The following GET1 variants were observed in gnomAD, a reference collection of about 807,000 sequenced individuals.
The protein encoded by GET1 is congenital heart disease 5 protein.
Under a neutral mutation model 22.6 loss-of-function variants are expected in GET1, and 20 were observed. That is an observed-to-expected ratio of 0.89 (90% confidence interval 0.62 to 1.29). The LOEUF (loss-of-function observed/expected upper bound fraction) is 1.29. Ranked by LOEUF, GET1 falls within the 50% of genes most tolerant of loss-of-function variation. GET1 has a pLI of 0.00. For synonymous variants in GET1, 92 were observed against 83.8 expected, an observed-to-expected ratio of 1.10 and a Z score of -0.53; for missense variants, 209 against 219.9, an observed-to-expected ratio of 0.95 and a Z score of 0.31.
exon 2 of GET1, chr21:39,428,321 C>G: frequency 6.2e-7 from 1 of 1,613,696 alleles, no homozygotes; most frequent in Middle Eastern, 1.7e-4. Context: ...TAAACTTCCA[C>G]AGGAGCACTG....
At chr21:39,390,035 A>T (rs911308740) in intron 1 of GET1, among the ~76,000 whole-genome samples, 25 of 151,328 alleles carry the variant, frequency 1.7e-4, no homozygotes, top group African/African-American at 4.6e-4. Context: ...TAGCAATTTG[A>T]ATATGAGTTT....
Position 39,390,754 on chromosome 21 carries a change from C to T in GET1, c.159C>T (p.Ile53=), listed in dbSNP as rs1289625134. The T allele has an allele frequency of 1.2e-6, 2 of 1,613,986 alleles. No individual in the cohort carries two copies. Among genetic ancestry groups the T allele is most frequent in the African/African-American group, 2.7e-5 (2 of 74,870 alleles). ...AGGAGTCACAGATGAGAGCGGAGAT[C>T]CAGGACATGAAGCAGGAGCTCTCCA... ...AEQESQMRAE[I]QDMKQELSTV... The change falls in exon 2 of 5, where the codon ATC becomes ATT. Residue 53 remains isoleucine, a synonymous_variant. Transcript: ENST00000649170.
chr21:39,416,996 G>C (rs2041299223), intron 1 of GET1, among the ~76,000 whole-genome samples: 1 of 152,052 alleles, frequency 6.6e-6, no homozygotes, highest in Admixed American at 6.6e-5. Context: ...ATACACATTT[G>C]GGTTCATCTG....
chr21:39,383,143 A>G (rs1394944158), intron 1 of GET1, among the ~76,000 whole-genome samples: 2 of 151,716 alleles, frequency 1.3e-5, no homozygotes, highest in Non-Finnish European at 2.9e-5. Context: ...TTTAGTAGAG[A>G]CGAGGTTTCA....
At chr21:39,393,877 T>A (rs2038470251) in intron 4 of GET1, among the ~76,000 whole-genome samples, 1 of 151,338 alleles carries the variant, frequency 6.6e-6, no homozygotes, top group South Asian at 2.1e-4. Context: ...CTCAAACTCC[T>A]GACCTTAAGT....
At chr21:39,407,292 T>C (rs2039243091), downstream of GET1, among the ~76,000 whole-genome samples, 1 of 152,130 alleles carries the variant, frequency 6.6e-6, no homozygotes. Flanking sequence ...TGAGAACATT[T>C]TTCATCCATC....
intron 4 of GET1, among the ~76,000 whole-genome samples, chr21:39,394,577 G>A (rs1184623975): frequency 1.3e-5 from 2 of 152,112 alleles, no homozygotes; most frequent in Non-Finnish European, 2.9e-5. Context: ...CGGAGGCTGG[G>A]GAGTCCAAAA....
intron 1 of GET1, among the ~76,000 whole-genome samples, chr21:39,385,015 G>A (rs916266532): frequency 2.0e-5 from 3 of 152,130 alleles, no homozygotes; most frequent in African/African-American, 7.2e-5. Context: ...TCTGTGAAAA[G>A]CTGTAAGGAA....
chr21:39,402,500 C>T (rs148546481), downstream of GET1, among the ~76,000 whole-genome samples: 532 of 152,338 alleles, frequency 3.5e-3, 5 homozygotes, highest in African/African-American at 0.012. Context: ...ACTTGGGCTG[C>T]CTGGGTTTTG....
downstream of GET1, among the ~76,000 whole-genome samples, chr21:39,399,786 C>T (rs1002580794): frequency 6.6e-6 from 1 of 152,004 alleles, no homozygotes; most frequent in African/African-American, 2.4e-5. Flanking sequence ...TATAGCTTCA[C>T]GTGAAAGCAG....
At chr21:39,401,060 G>A (rs943141877), downstream of GET1, among the ~76,000 whole-genome samples, 11 of 151,972 alleles carry the variant, frequency 7.2e-5, no homozygotes, top group Admixed American at 2.6e-4. Context: ...ACAGGCATGC[G>A]CCACCATGCC....
At chr21:39,394,886 C>T (rs1484437395) in intron 4 of GET1, among the ~76,000 whole-genome samples, 1 of 151,846 alleles carries the variant, frequency 6.6e-6, no homozygotes, top group Non-Finnish European at 1.5e-5. Context: ...CTTCTCTTTT[C>T]TTTTTGAGGC....
chr21:39,390,263 G>C (rs971857747), intron 1 of GET1, among the ~76,000 whole-genome samples: 5 of 152,068 alleles, frequency 3.3e-5, no homozygotes, highest in Non-Finnish European at 5.9e-5. Flanking sequence ...CTGGAGATGG[G>C]GCTGGCTTGG....
In GET1 at chr21:39,428,434, T is replaced by C. The variant is rs1171793433; in HGVS notation, c.*226T>C. The C allele has an allele frequency of 2.5e-6, 4 of 1,612,150 alleles. No homozygotes were observed. In the Admixed American group the frequency reaches 5.0e-5, roughly 20 times the overall value. Reference sequence around the variant, plus strand: ...ATGCTGCAGACCTCCTATTGTTTTCTAATGCCACGCCGAAGAAATGCTCAT... The same window carrying C: ...ATGCTGCAGACCTCCTATTGTTTTCCAATGCCACGCCGAAGAAATGCTCAT... On this transcript the variant is annotated 3_prime_UTR_variant, in exon 2 of 2. Coordinates refer to the GET1 transcript ENST00000478273.
At chr21:39,423,618 A>C in intron 1 of GET1, 1 of 726,806 alleles carries the variant, frequency 1.4e-6, no homozygotes, top group South Asian at 3.0e-5. Flanking sequence ...GCGTAAGTGT[A>C]ACTAGAAGGG....
intron 4 of GET1, among the ~76,000 whole-genome samples, chr21:39,396,432 G>A (rs571042090): frequency 5.8e-4 from 88 of 152,268 alleles, no homozygotes; most frequent in African/African-American, 2.0e-3. Context: ...GGAGGCTGAG[G>A]CAGGACAATG....
downstream of GET1, among the ~76,000 whole-genome samples, chr21:39,401,643 T>G (rs1273363989): frequency 6.6e-6 from 1 of 152,212 alleles, no homozygotes; most frequent in African/African-American, 2.4e-5. Flanking sequence ...TTCACTTTAC[T>G]GTGCTCTGTA....
intron 1 of GET1, among the ~76,000 whole-genome samples, chr21:39,387,129 G>T (rs1043886070): frequency 6.6e-6 from 1 of 152,242 alleles, no homozygotes; most frequent in South Asian, 2.1e-4. Context: ...GAAAGTGCTG[G>T]GATTACTGCA....
rs2038709079 is a variant in GET1, at chr21:39,397,164, TAG to T, written c.*226_*227del. ...AGTCCAGTTTATGACACGTATGTAC[TAG>T]TGAACACCGTCCTCGATCTGTACGA... is the stretch of plus-strand genomic sequence containing the variant. On this transcript the variant is annotated 3_prime_UTR_variant, in exon 5 of 5. Transcript: ENST00000649170. 2 of 568,530 alleles carry T rather than the reference TAG, an allele frequency of 3.5e-6. No homozygotes were observed. Among genetic ancestry groups the T allele is most frequent in the African/African-American group, 1.9e-5 (1 of 52,926 alleles). 35.2% of individuals were successfully genotyped at this position (568,530 alleles called of 1,614,324 possible).
Sources: gnomAD v4.1 joint callset for allele counts (sites outside exome capture counted in the v4.1 genomes callset) on GRCh38, gnomAD v4.1.1 for gene constraint, MANE v1.5 for transcripts, NCBI Gene and HGNC (gene_info 2026-07-23, HGNC 2026-07-21) for gene names.